The following NRG3 variants were observed in gnomAD, a reference collection of about 807,000 sequenced individuals.
NRG3 encodes pro-neuregulin-3, membrane-bound isoform.
NRG3 carries 31 observed loss-of-function variants against 66.9 expected under a neutral mutation model. The ratio of observed to expected loss-of-function variants is 0.46; its 90% CI spans 0.35 to 0.63. The LOEUF is 0.63. NRG3 is among the 20% of genes least tolerant of loss of function. The probability of loss-of-function intolerance (pLI) is 0.00; values close to 1 mark genes in which losing one functional copy is unlikely to be tolerated. For missense variants in NRG3, 910 were observed against 878.9 expected (o/e 1.04, Z -0.45); for synonymous variants, 393 against 359.4 (o/e 1.09, Z -1.06).
chr10:82,948,665 C>A (rs1005245745), intron 4 of NRG3, among the ~76,000 whole-genome samples: 2 of 151,988 alleles, frequency 1.3e-5, no homozygotes, highest in African/African-American at 4.8e-5. Context: ...ATTTTACATG[C>A]TTTGATGCTA....
At chr10:82,433,334 T>C (rs2089943741) in intron 2 of NRG3, among the ~76,000 whole-genome samples, 1 of 152,190 alleles carries the variant, frequency 6.6e-6, no homozygotes, top group African/African-American at 2.4e-5. Context: ...CTTGTAAATA[T>C]GTTTAAGTTC....
intron 2 of NRG3, among the ~76,000 whole-genome samples, chr10:82,527,372 C>T (rs1037365375): frequency 6.6e-6 from 1 of 151,652 alleles, no homozygotes; most frequent in Non-Finnish European, 1.5e-5. Flanking sequence ...TAGTAAACTA[C>T]AATTTTAAAA....
chr10:82,546,011 C>T (rs184550362), intron 2 of NRG3, among the ~76,000 whole-genome samples: 23 of 151,884 alleles, frequency 1.5e-4, no homozygotes, highest in African/African-American at 5.5e-4. Flanking sequence ...CCTCGTGATC[C>T]GACCACCTCA....
intron 2 of NRG3, among the ~76,000 whole-genome samples, chr10:82,601,643 T>C (rs2047637169): frequency 6.6e-6 from 1 of 151,858 alleles, no homozygotes; most frequent in Admixed American, 6.6e-5. Context: ...ATATACAAGG[T>C]ATTCATTTCA....
intron 1 of NRG3, among the ~76,000 whole-genome samples, chr10:82,145,068 G>T (rs1299199942): frequency 6.6e-6 from 1 of 152,182 alleles, no homozygotes; most frequent in African/African-American, 2.4e-5. Flanking sequence ...CTTTAAAGGG[G>T]ATGCAGCTGT....
chr10:81,933,126 G>A lies in NRG3; in HGVS notation c.823+56963G>A, dbSNP rs200220105. On this transcript the variant is annotated intron_variant, in intron 1 of 8. Coordinates refer to ENST00000372141, the MANE Select transcript of NRG3 (RefSeq NM_001010848.4). ...CCATCTCAAAAAAAAAAAAAAAAAA[G>A]AAAAGAAAAAAAGAAATTTGTTCTT... 4.0e-3 allele frequency among the ~76,000 whole-genome samples: 567 copies of A among 140,714 alleles called. 1 individual carries two copies. Among genetic ancestry groups the A allele is most frequent in the Middle Eastern group, 0.015 (4 of 262 alleles). 92.3% of individuals were successfully genotyped at this position (140,714 alleles called of 152,430 possible).
chr10:82,323,141 G>A (rs935230267), intron 1 of NRG3, among the ~76,000 whole-genome samples: 2 of 152,170 alleles, frequency 1.3e-5, no homozygotes, highest in Non-Finnish European at 2.9e-5. Flanking sequence ...TCTAAATTAT[G>A]ACAGTGTTGC....
intron 2 of NRG3, among the ~76,000 whole-genome samples, chr10:82,724,022 A>G (rs2057456667): frequency 6.6e-6 from 1 of 151,954 alleles, no homozygotes; most frequent in Non-Finnish European, 1.5e-5. Flanking sequence ...AAATAAAAGC[A>G]TAAATGAATG....
intron 1 of NRG3, among the ~76,000 whole-genome samples, chr10:81,930,829 C>G (rs1847273906): frequency 6.6e-6 from 1 of 152,112 alleles, no homozygotes; most frequent in African/African-American, 2.4e-5. Context: ...CTCCTCCCAG[C>G]GTAGAGACTT....
At chr10:82,328,443 G>A (rs1016396410) in intron 1 of NRG3, among the ~76,000 whole-genome samples, 1 of 152,168 alleles carries the variant, frequency 6.6e-6, no homozygotes, top group African/African-American at 2.4e-5. Flanking sequence ...ACTATGCAAT[G>A]TGTAGTGATC....
intron 2 of NRG3, among the ~76,000 whole-genome samples, chr10:82,649,976 A>T (rs2051282315): frequency 6.6e-6 from 1 of 152,094 alleles, no homozygotes; most frequent in Non-Finnish European, 1.5e-5. Context: ...TTTGTACCAG[A>T]TTACAACCCT....
intron 1 of NRG3, among the ~76,000 whole-genome samples, chr10:82,259,561 T>C (rs1426543003): frequency 6.6e-6 from 1 of 152,052 alleles, no homozygotes; most frequent in African/African-American, 2.4e-5. Flanking sequence ...AAAAGAAATA[T>C]TAAGTAAAAA....
At chr10:82,371,651 T>G (rs1451980733) in intron 2 of NRG3, among the ~76,000 whole-genome samples, 2 of 152,160 alleles carry the variant, frequency 1.3e-5, no homozygotes, top group African/African-American at 4.8e-5. Flanking sequence ...GCTGGGTAAT[T>G]TATAAAGAAA....
chr10:81,903,915 T>A (rs562207898), intron 1 of NRG3, among the ~76,000 whole-genome samples: 1 of 151,874 alleles, frequency 6.6e-6, no homozygotes, highest in Admixed American at 6.6e-5. Flanking sequence ...ATCAGGAAAG[T>A]GAGTCACATG....
At chr10:82,089,920 C>T (rs886517069) in intron 1 of NRG3, among the ~76,000 whole-genome samples, 2 of 152,142 alleles carry the variant, frequency 1.3e-5, no homozygotes, top group Non-Finnish European at 2.9e-5. Flanking sequence ...TGAGGTCCCT[C>T]CTCAGTTCTG....
chr10:81,918,210 T>C (rs924645354), intron 1 of NRG3, among the ~76,000 whole-genome samples: 10 of 152,220 alleles, frequency 6.6e-5, no homozygotes, highest in Non-Finnish European at 1.3e-4. Context: ...TTCATCTATA[T>C]ATTCCCCATC....
chr10:82,512,607 C>G (rs1305510032), intron 2 of NRG3, among the ~76,000 whole-genome samples: 1 of 152,158 alleles, frequency 6.6e-6, no homozygotes, highest in Non-Finnish European at 1.5e-5. Flanking sequence ...AAACCCCAAC[C>G]TGCCCAAGGC....
chr10:82,246,485 AC>A (rs1362820802), intron 1 of NRG3, among the ~76,000 whole-genome samples: 1 of 152,176 alleles, frequency 6.6e-6, no homozygotes, highest in Admixed American at 6.5e-5. Flanking sequence ...ATCTAAACAA[AC>A]TTTTTTCACT....
intron 1 of NRG3, among the ~76,000 whole-genome samples, chr10:82,210,491 G>A (rs570036109): frequency 6.6e-6 from 1 of 152,298 alleles, no homozygotes; most frequent in South Asian, 2.1e-4. Context: ...GGGTTGAATG[G>A]AGATTGGGTT....
Sources: allele counts gnomAD v4.1 joint callset (sites outside exome capture counted in the v4.1 genomes callset), GRCh38; gene constraint gnomAD v4.1.1; transcripts MANE v1.5; gene names NCBI Gene and HGNC (gene_info 2026-07-23, HGNC 2026-07-21).